GVQW3: variants seen among roughly 807,000 people sequenced by gnomAD.
GVQW3 encodes the protein protein GVQW3.
In GVQW3, 7 loss-of-function variants were observed where a neutral mutation model predicts 12.5. That is an observed-to-expected ratio of 0.56 (90% CI 0.32 to 1.05). GVQW3 has a LOEUF of 1.05. Among genes scored for constraint, GVQW3 ranks in the 50% least tolerant of loss-of-function variants. GVQW3 has a pLI of 0.04. For missense variants in GVQW3, 188 were observed against 190.8 expected, an observed-to-expected ratio of 0.99 and a Z score of 0.09; for synonymous variants, 71 against 67.2, an observed-to-expected ratio of 1.06 and a Z score of -0.28.
chr11:76,382,728 G>T, intron 1 of GVQW3: 1 of 363,586 alleles, frequency 2.8e-6, no homozygotes, highest in Non-Finnish European at 5.0e-6. Context: ...ACCTTAGCTT[G>T]TTGTGGCTGT....
downstream of GVQW3, chr11:76,412,047 C>A (rs972113307): frequency 6.6e-6 from 1 of 152,246 alleles, no homozygotes; most frequent in Admixed American, 6.5e-5. Flanking sequence ...AAAATCTCAA[C>A]AGCTTTCCCA....
At chr11:76,394,135 G>C (rs933993793) in intron 1 of GVQW3, among the ~76,000 whole-genome samples, 10 of 152,176 alleles carry the variant, frequency 6.6e-5, no homozygotes, top group African/African-American at 2.4e-4. Context: ...GTGACCTCAG[G>C]TGATCTGCCT....
In GVQW3 at chr11:76,381,979, AAAG is replaced by A; in HGVS notation, c.155_157del (p.Glu52del). 1 of 1,536,416 alleles carries A rather than the reference AAAG, an allele frequency of 6.5e-7. No individual in the cohort carries two copies. ...AGTTTTTGACTGGCACAAAAGGTTT[AAAG>A]AAGGACGGGAAGATGTTCGAGATGA... is the stretch of plus-strand genomic sequence containing the variant. On this transcript the variant is annotated inframe_deletion, in exon 1 of 2. Transcript: ENST00000529331.
chr11:76,383,781 A>AGCCC (rs879321977), intron 1 of GVQW3: 1 of 150,816 alleles, frequency 6.6e-6, no homozygotes, highest in African/African-American at 2.4e-5. Flanking sequence ...CTGTCCCAAA[A>AGCCC]AAAAAAAAAA....
chr11:76,382,031 C>T lies in GVQW3; in HGVS notation c.203C>T (p.Thr68Ile), dbSNP rs1344894224. ...GATGCCCGAAGTGGGCGTCCAGTCA[C>T]CCACCGAACAGATGACAATATCCAG... The part of the protein sequence containing the change: ...RDDARSGRPV[T>I]HRTDDNIQKV... Residue 68 changes from threonine to isoleucine, a missense_variant, in exon 1 of 2, where the codon ACC (threonine) becomes ATC (isoleucine). Coordinates refer to ENST00000529331, the MANE Select transcript of GVQW3 (RefSeq NM_001347885.2). 1.3e-6 allele frequency: 2 copies of T among 1,536,434 alleles called. No homozygotes were observed. The highest frequency in any genetic ancestry group is 2.4e-5 in the South Asian group (2 of 84,046).
chr11:76,403,950 C>T lies in GVQW3; in HGVS notation c.*192C>T. 1 of 699,160 alleles carries T rather than the reference C, an allele frequency of 1.4e-6. No individual in the cohort carries two copies. Among genetic ancestry groups the T allele is most frequent in the South Asian group, 1.5e-5 (1 of 67,182 alleles). 43.3% of individuals were successfully genotyped at this position (699,160 alleles called of 1,614,324 possible). A position where few individuals can be genotyped will look rare whatever the true frequency, so the allele number is the denominator to read the frequency against. On this transcript the variant is annotated 3_prime_UTR_variant, in exon 2 of 2. Coordinates refer to ENST00000529331, the MANE Select transcript of GVQW3 (RefSeq NM_001347885.2). ...CTCAATGAATTGGATGATGTCCATG[C>T]ACATTAGGGAGGGCTGCCTCTTCAT...
chr11:76,388,434 T>C (rs1375124204), intron 1 of GVQW3, among the ~76,000 whole-genome samples: 1 of 152,172 alleles, frequency 6.6e-6, no homozygotes, highest in Non-Finnish European at 1.5e-5. Context: ...TCCAAAGTTG[T>C]AGTAGAATCT....
intron 1 of GVQW3, among the ~76,000 whole-genome samples, chr11:76,386,147 T>C (rs1336204457): frequency 1.3e-5 from 2 of 152,252 alleles, no homozygotes; most frequent in Non-Finnish European, 2.9e-5. Flanking sequence ...TGGAATGTTT[T>C]ATGCCACAGC....
At chr11:76,385,893 G>C (rs1348703346) in intron 1 of GVQW3, among the ~76,000 whole-genome samples, 1 of 152,158 alleles carries the variant, frequency 6.6e-6, no homozygotes, top group East Asian at 1.9e-4. Flanking sequence ...CTAGTAGCAA[G>C]AGTCATGAAA....
intron 1 of GVQW3, among the ~76,000 whole-genome samples, chr11:76,402,364 A>C (rs1946998019): frequency 1.3e-5 from 2 of 152,016 alleles, no homozygotes; most frequent in Non-Finnish European, 2.9e-5. Context: ...ACCAGCCTGG[A>C]CAACATGGTG....
intron 1 of GVQW3, among the ~76,000 whole-genome samples, chr11:76,397,002 CTTTTTTT>C (rs11401694): frequency 6.3e-5 from 7 of 110,872 alleles, no homozygotes; most frequent in African/African-American, 2.4e-4. Context: ...TCATTTATTC[CTTTTTTT>C]TTTTTTTTTT....
At chr11:76,391,388 G>T (rs915848795) in intron 1 of GVQW3, among the ~76,000 whole-genome samples, 4 of 152,222 alleles carry the variant, frequency 2.6e-5, no homozygotes, top group Admixed American at 6.5e-5. Context: ...TTAAAGAAAA[G>T]ATGTGTGCCC....
At position 76,407,744 on chromosome 11, in the gene GVQW3, A is replaced by G. The variant is rs1947056014; in HGVS notation, c.*3986A>G. ...ATTTGTAAAAGTAGTAAAAAGAAGG[A>G]AATAACCCAAATGTCCCACAATGGA... On this transcript the variant is annotated 3_prime_UTR_variant, in exon 2 of 2. Transcript: ENST00000529331. 6.6e-6 allele frequency: 1 copy of G among 152,198 alleles called. No homozygotes were observed. The highest frequency in any genetic ancestry group is 2.4e-5 in the African/African-American group (1 of 41,462). The allele number at this position is 152,198 out of a possible 1,614,324, so 9.4% of individuals were successfully genotyped here. A position where few individuals can be genotyped will look rare whatever the true frequency, so the allele number is the denominator to read the frequency against.
chr11:76,383,331 GT>G (rs1946798528), intron 1 of GVQW3: 1 of 152,288 alleles, frequency 6.6e-6, no homozygotes, highest in African/African-American at 2.4e-5. Flanking sequence ...CATTGACAAT[GT>G]GGAGGTTATG....
exon 2 of GVQW3, chr11:76,413,286 G>T (rs900692474): frequency 2.6e-5 from 4 of 152,144 alleles, no homozygotes; most frequent in African/African-American, 9.7e-5. Context: ...GCTTGGCATT[G>T]TTCTCCCAAG....
At chr11:76,402,784 T>TTG in intron 1 of GVQW3, among the ~76,000 whole-genome samples, 1 of 152,008 alleles carries the variant, frequency 6.6e-6, no homozygotes, top group Middle Eastern at 3.4e-3. Flanking sequence ...AGTGGTGCAA[T>TTG]CACCCAGGCT....
At chr11:76,394,581 T>A (rs1056187239) in intron 1 of GVQW3, among the ~76,000 whole-genome samples, 3 of 152,240 alleles carry the variant, frequency 2.0e-5, no homozygotes, top group African/African-American at 7.2e-5. Flanking sequence ...TTTCTTTATC[T>A]ATTCATCTGT....
At position 76,407,750 on chromosome 11, in the gene GVQW3, C is replaced by T. The variant is rs937491133; in HGVS notation, c.*3992C>T. On this transcript the variant is annotated 3_prime_UTR_variant, in exon 2 of 2. Coordinates refer to ENST00000529331, the MANE Select transcript of GVQW3 (RefSeq NM_001347885.2). ...AAAAGTAGTAAAAAGAAGGAAATAACCCAAATGTCCCACAATGGAGAAATT... is the reference window on the plus strand; with the variant it reads ...AAAAGTAGTAAAAAGAAGGAAATAATCCAAATGTCCCACAATGGAGAAATT... 4 of 152,026 alleles carry T rather than the reference C, an allele frequency of 2.6e-5. No individual in the cohort carries two copies. The highest frequency in any genetic ancestry group is 1.9e-4 in the East Asian group (1 of 5,198). The allele number at this position is 152,026 out of a possible 1,614,324, so 9.4% of individuals were successfully genotyped here. A position where few individuals can be genotyped will look rare whatever the true frequency, so the allele number is the denominator to read the frequency against.
downstream of GVQW3, among the ~76,000 whole-genome samples, chr11:76,410,501 C>T (rs1208506891): frequency 6.6e-6 from 1 of 151,860 alleles, no homozygotes; most frequent in African/African-American, 2.4e-5. Context: ...ATTTAGTACA[C>T]AGTCAATACA....
Sources: gnomAD v4.1 joint callset for allele counts (sites outside exome capture counted in the v4.1 genomes callset) on GRCh38, gnomAD v4.1.1 for gene constraint, MANE v1.5 for transcripts, NCBI Gene and HGNC (gene_info 2026-07-23, HGNC 2026-07-21) for gene names.